The following GRM8 variants were observed in gnomAD, a reference collection of about 807,000 sequenced individuals.
The protein encoded by GRM8 is metabotropic glutamate receptor 8.
Under a neutral mutation model 87.2 loss-of-function variants are expected in GRM8, and 47 were observed. The observed-to-expected ratio is 0.54, with a 90% CI of 0.43 to 0.69. The LOEUF (loss-of-function observed/expected upper bound fraction) is 0.69, where lower values mean the gene tolerates loss of function less well. Ranked by LOEUF, GRM8 falls within the 30% of genes least tolerant of loss-of-function variation. GRM8 has a pLI of 0.00. For synonymous variants in GRM8, 396 were observed against 404.5 expected, an observed-to-expected ratio of 0.98 and a Z score of 0.25; for missense variants, 1,019 against 1,139.2, an observed-to-expected ratio of 0.89 and a Z score of 1.52.
At chr7:126,520,347 A>C (rs899273783) in intron 9 of GRM8, among the ~76,000 whole-genome samples, 2 of 152,176 alleles carry the variant, frequency 1.3e-5, no homozygotes, top group South Asian at 4.1e-4. Flanking sequence ...CATTTTAAAC[A>C]TGATACATTT....
chr7:126,696,936 C>T, intron 7 of GRM8, among the ~76,000 whole-genome samples: 1 of 151,952 alleles, frequency 6.6e-6, no homozygotes, highest in East Asian at 1.9e-4. Flanking sequence ...TTCGTTGCAG[C>T]ACTATTCACA....
chr7:126,997,428 A>C (rs1813289590), intron 3 of GRM8, among the ~76,000 whole-genome samples: 1 of 151,780 alleles, frequency 6.6e-6, no homozygotes, highest in African/African-American at 2.4e-5. Context: ...GAAGAAAAAA[A>C]TAAACATCAG....
At chr7:126,795,793 A>T (rs974659090) in intron 6 of GRM8, among the ~76,000 whole-genome samples, 1 of 152,066 alleles carries the variant, frequency 6.6e-6, no homozygotes, top group Non-Finnish European at 1.5e-5. Context: ...AAGGGAGAAG[A>T]TTAAGTTTAC....
chr7:126,730,898 T>C (rs1813511724), intron 7 of GRM8, among the ~76,000 whole-genome samples: 1 of 152,166 alleles, frequency 6.6e-6, no homozygotes, highest in Non-Finnish European at 1.5e-5. Context: ...TTAATTTAGT[T>C]ATCAAATTCT....
intron 2 of GRM8, among the ~76,000 whole-genome samples, chr7:127,242,209 C>T (rs1049660100): frequency 6.6e-5 from 10 of 152,126 alleles, no homozygotes; most frequent in African/African-American, 2.2e-4. Flanking sequence ...CAGAGTGTCA[C>T]TCCCATCTAC....
intron 6 of GRM8, among the ~76,000 whole-genome samples, chr7:126,814,954 CT>C (rs1311668554): frequency 8.5e-5 from 13 of 152,162 alleles, no homozygotes; most frequent in Admixed American, 4.6e-4. Context: ...CAACCTAAGA[CT>C]TTGCTGTTGT....
intron 9 of GRM8, among the ~76,000 whole-genome samples, chr7:126,448,897 T>C (rs1016475835): frequency 2.0e-5 from 3 of 151,384 alleles, no homozygotes; most frequent in Non-Finnish European, 3.0e-5. Context: ...GGGTGGAGGG[T>C]GGGAGGAAGG....
chr7:126,887,627 A>G (rs1461395935), intron 6 of GRM8, among the ~76,000 whole-genome samples: 1 of 152,112 alleles, frequency 6.6e-6, no homozygotes, highest in African/African-American at 2.4e-5. Context: ...AACTGTCTAC[A>G]TATACCTCCC....
intron 6 of GRM8, among the ~76,000 whole-genome samples, chr7:126,856,194 C>T (rs1234273517): frequency 6.6e-6 from 1 of 151,914 alleles, no homozygotes; most frequent in Admixed American, 6.6e-5. Flanking sequence ...CAACTACAGA[C>T]CTTACTGGTT....
chr7:126,596,862 C>G (rs1185497089), intron 8 of GRM8, among the ~76,000 whole-genome samples: 1 of 152,082 alleles, frequency 6.6e-6, no homozygotes, highest in Non-Finnish European at 1.5e-5. Context: ...TTGGAAAAAA[C>G]TATGTAAAAG....
intron 6 of GRM8, among the ~76,000 whole-genome samples, chr7:126,784,607 C>G (rs1351763344): frequency 6.6e-6 from 1 of 152,178 alleles, no homozygotes; most frequent in Non-Finnish European, 1.5e-5. Flanking sequence ...AAATAGCCTT[C>G]TTCACAGAAG....
At chr7:126,675,901 C>A (rs1384329409) in intron 7 of GRM8, among the ~76,000 whole-genome samples, 1 of 152,028 alleles carries the variant, frequency 6.6e-6, no homozygotes, top group African/African-American at 2.4e-5. Context: ...AGCAGTCAGG[C>A]AAAAGAAAGA....
intron 7 of GRM8, among the ~76,000 whole-genome samples, chr7:126,720,620 A>G (rs1331776237): frequency 2.0e-5 from 3 of 152,234 alleles, no homozygotes; most frequent in African/African-American, 7.2e-5. Flanking sequence ...CTGAGACCCC[A>G]TACACACTGT....
In GRM8 at chr7:126,800,078, G is replaced by A. The variant is rs151027445; in HGVS notation, c.1157-30013C>T. 1.3e-3 allele frequency among the ~76,000 whole-genome samples: 201 copies of A among 152,126 alleles called. 4 individuals carry two copies. Among genetic ancestry groups the A allele is most frequent in the African/African-American group, 4.4e-3 (181 of 41,506 alleles). ...TACATCCTCTTTTTTCAAGTATGAT[G>A]ACATGGTTATCCTCCAACACAAGCT... On this transcript the variant is annotated intron_variant, in intron 6 of 10. Coordinates refer to ENST00000339582, the MANE Select transcript of GRM8 (RefSeq NM_000845.3).
In GRM8 at chr7:127,022,143, T is replaced by G. The variant is rs151190334; in HGVS notation, c.727+84353A>C. 6.9e-4 allele frequency among the ~76,000 whole-genome samples: 105 copies of G among 152,070 alleles called. 1 individual carries two copies. The Middle Eastern group carries it at 0.014, about 20-fold the overall frequency. ...GATCTTATTAGAATAACACCACTTA[T>G]TTTCTTCCTTTGAACTGATAATGTT... is the stretch of plus-strand genomic sequence containing the variant. On this transcript the variant is annotated intron_variant, in intron 3 of 10. Coordinates refer to ENST00000339582, the MANE Select transcript of GRM8 (RefSeq NM_000845.3).
At chr7:126,554,337 T>C (rs1201285220) in intron 8 of GRM8, among the ~76,000 whole-genome samples, 1 of 151,882 alleles carries the variant, frequency 6.6e-6, no homozygotes, top group Non-Finnish European at 1.5e-5. Flanking sequence ...CCCAGCACTT[T>C]GGGAGGCTGA....
At chr7:126,882,357 GC>G (rs1800100092) in intron 6 of GRM8, among the ~76,000 whole-genome samples, 1 of 152,016 alleles carries the variant, frequency 6.6e-6, no homozygotes, top group Non-Finnish European at 1.5e-5. Flanking sequence ...AAAAATAAAA[GC>G]CAAAATATAA....
At chr7:126,697,541 A>G (rs1440305007) in intron 7 of GRM8, among the ~76,000 whole-genome samples, 7 of 152,192 alleles carry the variant, frequency 4.6e-5, no homozygotes, top group African/African-American at 4.8e-5. Context: ...ACACAATAAA[A>G]GAAGGAAAGT....
intron 7 of GRM8, among the ~76,000 whole-genome samples, chr7:126,748,578 C>G (rs970996484): frequency 6.8e-6 from 1 of 147,362 alleles, no homozygotes; most frequent in South Asian, 2.1e-4. Flanking sequence ...CAATGCAATA[C>G]CAACTAAAAT....
Sources: allele counts gnomAD v4.1 joint callset (sites outside exome capture counted in the v4.1 genomes callset), GRCh38; gene constraint gnomAD v4.1.1; transcripts MANE v1.5; gene names NCBI Gene and HGNC (gene_info 2026-07-23, HGNC 2026-07-21).